Variants in PACRG observed in about 807,000 individuals in gnomAD.
PACRG encodes the protein parkin coregulated, also known as parkin coregulated gene protein.
A neutral mutation model predicts 29.7 loss-of-function variants in PACRG; 29 were observed. The ratio of observed to expected loss-of-function variants is 0.98; its 90% CI spans 0.73 to 1.33. The LOEUF is 1.33. Ranked by LOEUF, PACRG falls within the 40% of genes most tolerant of loss-of-function variation. PACRG has a pLI of 0.00. For synonymous variants in PACRG, 116 were observed against 118.7 expected (o/e 0.98, Z 0.15); for missense variants, 279 against 316.2 (o/e 0.88, Z 0.89).
At chr6:162,934,159 G>C (rs1307591132) in intron 2 of PACRG, among the ~76,000 whole-genome samples, 1 of 152,088 alleles carries the variant, frequency 6.6e-6, no homozygotes, top group African/African-American at 2.4e-5. Context: ...AGCTACTCGG[G>C]GGGCTGAGGC....
intron 4 of PACRG, chr6:163,310,948 G>C (rs998633470): frequency 1.3e-5 from 2 of 152,188 alleles, no homozygotes; most frequent in African/African-American, 4.8e-5. Context: ...CCAGAGACCG[G>C]GATAGACACG....
At chr6:162,783,000 T>G (rs1435321386) in intron 1 of PACRG, among the ~76,000 whole-genome samples, 3 of 151,920 alleles carry the variant, frequency 2.0e-5, no homozygotes, top group African/African-American at 7.2e-5. Context: ...GAAAAAGTTC[T>G]TCTAAATCTA....
At chr6:162,956,334 G>GT (rs1377177174) in intron 2 of PACRG, among the ~76,000 whole-genome samples, 1 of 152,152 alleles carries the variant, frequency 6.6e-6, no homozygotes, top group Non-Finnish European at 1.5e-5. Context: ...TACGGTGACA[G>GT]TTTCCTTTTA....
chr6:163,036,396 C>G (rs1050690696), intron 2 of PACRG, among the ~76,000 whole-genome samples: 2 of 152,170 alleles, frequency 1.3e-5, no homozygotes, highest in African/African-American at 4.8e-5. Flanking sequence ...TGGATCATAA[C>G]ACATAACCCT....
intron 1 of PACRG, among the ~76,000 whole-genome samples, chr6:162,774,977 C>T (rs78126491): frequency 2.6e-5 from 4 of 152,240 alleles, no homozygotes; most frequent in South Asian, 2.1e-4. Context: ...GTTTACCCAA[C>T]GATGGCCTCA....
chr6:163,205,942 A>G (rs538058268), intron 4 of PACRG, among the ~76,000 whole-genome samples: 2 of 152,330 alleles, frequency 1.3e-5, no homozygotes, highest in African/African-American at 4.8e-5. Context: ...ACAAATGACC[A>G]ACAAGCATGT....
At chr6:162,740,690 C>G (rs1336152116) in intron 1 of PACRG, among the ~76,000 whole-genome samples, 1 of 151,158 alleles carries the variant, frequency 6.6e-6, no homozygotes, top group South Asian at 2.1e-4. Context: ...ACCTCTGCCC[C>G]CTGGGTTCAA....
At chr6:162,914,587 T>C (rs199891144) in intron 2 of PACRG, among the ~76,000 whole-genome samples, 1 of 139,946 alleles carries the variant, frequency 7.1e-6, no homozygotes, top group Admixed American at 7.3e-5. Context: ...AAAATCAACT[T>C]GCCCATTTTT....
chr6:162,791,699 A>AAT (rs889386417), intron 1 of PACRG, among the ~76,000 whole-genome samples: 15 of 152,272 alleles, frequency 9.9e-5, no homozygotes, highest in African/African-American at 3.4e-4. Flanking sequence ...GATTATTTAA[A>AAT]ATATATAGCA....
chr6:163,010,826 T>C (rs952351849), intron 2 of PACRG, among the ~76,000 whole-genome samples: 1 of 152,104 alleles, frequency 6.6e-6, no homozygotes, highest in Non-Finnish European at 1.5e-5. Flanking sequence ...GTATTCCAAC[T>C]GGAGGAGACA....
chr6:162,856,907 C>A (rs1022774453), intron 2 of PACRG, among the ~76,000 whole-genome samples: 1 of 152,030 alleles, frequency 6.6e-6, no homozygotes, highest in Non-Finnish European at 1.5e-5. Flanking sequence ...AGCGGGTTTA[C>A]CTAGGTTTTC....
chr6:163,234,653 C>A (rs1782166221), intron 4 of PACRG, among the ~76,000 whole-genome samples: 1 of 152,126 alleles, frequency 6.6e-6, no homozygotes, highest in African/African-American at 2.4e-5. Context: ...GATGTAGCCA[C>A]AGATGCAGGT....
intron 2 of PACRG, among the ~76,000 whole-genome samples, chr6:162,944,354 G>A (rs997234285): frequency 6.6e-6 from 1 of 152,136 alleles, no homozygotes; most frequent in African/African-American, 2.4e-5. Context: ...CAAACAACTG[G>A]AGAAGTGACT....
chr6:162,801,546 A>C (rs970046235), intron 1 of PACRG, among the ~76,000 whole-genome samples: 2 of 152,234 alleles, frequency 1.3e-5, no homozygotes, highest in Non-Finnish European at 2.9e-5. Flanking sequence ...GTAATTTATT[A>C]TAATATGCAC....
At chr6:163,291,747 A>G (rs1383627422) in intron 4 of PACRG, among the ~76,000 whole-genome samples, 1 of 152,234 alleles carries the variant, frequency 6.6e-6, no homozygotes, top group African/African-American at 2.4e-5. Context: ...TGATTCAGAG[A>G]TCAAGGCACC....
At chr6:163,186,706 C>T (rs181209547) in intron 4 of PACRG, among the ~76,000 whole-genome samples, 5 of 152,220 alleles carry the variant, frequency 3.3e-5, no homozygotes, top group East Asian at 3.9e-4. Flanking sequence ...CTGGCCCCAT[C>T]TCACAGACTA....
chr6:162,855,745 C>G (rs1022686210), intron 2 of PACRG, among the ~76,000 whole-genome samples: 2 of 152,208 alleles, frequency 1.3e-5, no homozygotes, highest in Non-Finnish European at 2.9e-5. Flanking sequence ...CAACTCCCTG[C>G]TTCTGGGACG....
At chr6:163,277,502 T>TACACACAC (rs149681578) in intron 4 of PACRG, among the ~76,000 whole-genome samples, 3 of 144,340 alleles carry the variant, frequency 2.1e-5, no homozygotes, top group Non-Finnish European at 3.0e-5. Flanking sequence ...TATACACACA[T>TACACACAC]ACACACACAC....
Position 163,118,271 on chromosome 6 carries a change from G to A in PACRG, c.613+28863G>A, listed in dbSNP as rs116876676. 4.4e-4 allele frequency among the ~76,000 whole-genome samples: 67 copies of A among 152,274 alleles called. 1 individual carries two copies. The East Asian group carries it at 6.6e-3, about 15-fold the overall frequency. On this transcript the variant is annotated intron_variant, in intron 4 of 4. Transcript: ENST00000366888. ...GATGAACGGGTTTATGAATAGCAGC[G>A]TATCACCTGCTTCTGATCTGTCTTA...
Sources: gnomAD v4.1 joint callset for allele counts (sites outside exome capture counted in the v4.1 genomes callset) on GRCh38, gnomAD v4.1.1 for gene constraint, MANE v1.5 for transcripts, NCBI Gene and HGNC (gene_info 2026-07-23, HGNC 2026-07-21) for gene names.